The following TNRC6A variants were observed in gnomAD, a reference collection of about 807,000 sequenced individuals.
The protein encoded by TNRC6A is trinucleotide repeat containing adaptor 6A, also known as trinucleotide repeat-containing gene 6A protein.
Under a neutral mutation model 221.2 loss-of-function variants are expected in TNRC6A, and 44 were observed. The observed-to-expected ratio is 0.20, with a 90% CI of 0.16 to 0.26. The LOEUF (loss-of-function observed/expected upper bound fraction) is 0.26. Among genes scored for constraint, TNRC6A ranks in the 10% least tolerant of loss-of-function variants. The pLI, the probability that TNRC6A is intolerant of heterozygous loss-of-function variation, is 1.00. For missense variants in TNRC6A, 2,199 were observed against 2,404.4 expected, an observed-to-expected ratio of 0.91 and a Z score of 1.79; for synonymous variants, 847 against 838.5, an observed-to-expected ratio of 1.01 and a Z score of -0.18.
intron 1 of TNRC6A, among the ~76,000 whole-genome samples, chr16:24,611,006 T>A (rs933200789): frequency 3.3e-5 from 5 of 151,658 alleles, no homozygotes; most frequent in African/African-American, 1.2e-4. Context: ...AGAGATGGGG[T>A]TTCACCATGT....
At chr16:24,633,742 T>C in intron 1 of TNRC6A, among the ~76,000 whole-genome samples, 1 of 151,632 alleles carries the variant, frequency 6.6e-6, no homozygotes, top group East Asian at 1.9e-4. Flanking sequence ...CACACATTCC[T>C]CCCAATAGAA....
intron 2 of TNRC6A, among the ~76,000 whole-genome samples, chr16:24,646,048 T>C (rs187350817): frequency 6.1e-4 from 93 of 152,068 alleles, no homozygotes; most frequent in African/African-American, 2.0e-3. Context: ...TATTGATTCA[T>C]GTTAAAAATA....
At chr16:24,621,403 G>A (rs1478452218) in intron 1 of TNRC6A, among the ~76,000 whole-genome samples, 1 of 144,518 alleles carries the variant, frequency 6.9e-6, no homozygotes, top group Non-Finnish European at 1.5e-5. Flanking sequence ...CTGTCGCCCA[G>A]GCTGGAGGGC....
At chr16:24,666,024 T>C (rs1342059299) in intron 2 of TNRC6A, among the ~76,000 whole-genome samples, 1 of 151,986 alleles carries the variant, frequency 6.6e-6, no homozygotes, top group Non-Finnish European at 1.5e-5. Flanking sequence ...TTGTGAGAAA[T>C]GATGTTCAAG....
intron 2 of TNRC6A, among the ~76,000 whole-genome samples, chr16:24,741,786 C>G (rs992958656): frequency 6.6e-6 from 1 of 151,474 alleles, no homozygotes. Context: ...TAGTGCAGTG[C>G]TTTGTGCCTA....
chr16:24,706,692 A>G (rs1214608818), intron 2 of TNRC6A, among the ~76,000 whole-genome samples: 1 of 50,434 alleles, frequency 2.0e-5, no homozygotes. Flanking sequence ...ACTCTGTCTC[A>G]AAAAAAAAAA....
chr16:24,786,240 C>T (rs2057962827), intron 5 of TNRC6A, among the ~76,000 whole-genome samples: 1 of 151,884 alleles, frequency 6.6e-6, no homozygotes, highest in Non-Finnish European at 1.5e-5. Context: ...TAATAATGGC[C>T]CTCATTTATT....
rs903092475 is a variant in TNRC6A at position 24,647,130 on chromosome 16, C to T, written n.402+6121C>T. Among the ~76,000 whole-genome samples the T allele has an allele frequency of 2.6e-5, 4 of 152,080 alleles. No homozygotes were observed. In the East Asian group the frequency reaches 7.7e-4, roughly 29 times the overall value. The stretch of plus-strand genomic sequence containing the variant: ...TATTTTTCGTAGAGACAGGGGTTCA[C>T]CATGTTGCCCAGGATGATCTCACAC... On this transcript the variant is annotated intron_variant and non_coding_transcript_variant, in intron 2 of 2. Coordinates refer to the TNRC6A transcript ENST00000566108.
chr16:24,662,546 A>G (rs996444807), intron 2 of TNRC6A: 3 of 152,218 alleles, frequency 2.0e-5, no homozygotes, highest in Non-Finnish European at 2.9e-5. Flanking sequence ...ATTACTCTGC[A>G]AGAATCATTA....
intron 2 of TNRC6A, among the ~76,000 whole-genome samples, chr16:24,704,868 A>C (rs1567372652): frequency 6.6e-6 from 1 of 151,688 alleles, no homozygotes; most frequent in Non-Finnish European, 1.5e-5. Context: ...ACACTAGGGC[A>C]CGATGGTTCA....
At chr16:24,683,787 T>C (rs1295539636) in intron 2 of TNRC6A, among the ~76,000 whole-genome samples, 1 of 152,102 alleles carries the variant, frequency 6.6e-6, no homozygotes. Flanking sequence ...TGAGGTAAAA[T>C]AAGGAGAGTG....
intron 2 of TNRC6A, among the ~76,000 whole-genome samples, chr16:24,744,283 T>TG (rs1007645452): frequency 2.0e-5 from 3 of 152,230 alleles, no homozygotes; most frequent in African/African-American, 7.2e-5. Context: ...AGGTGGTCTC[T>TG]GTCGGGTTTC....
intron 2 of TNRC6A, among the ~76,000 whole-genome samples, chr16:24,658,969 C>A (rs117296052): frequency 4.6e-5 from 7 of 151,250 alleles, no homozygotes; most frequent in African/African-American, 1.7e-4. Flanking sequence ...CTACCACACC[C>A]GGCTAATTTT....
At chr16:24,627,052 C>T (rs1901056454) in intron 1 of TNRC6A, among the ~76,000 whole-genome samples, 1 of 151,032 alleles carries the variant, frequency 6.6e-6, no homozygotes, top group South Asian at 2.1e-4. Flanking sequence ...CCATAAAGTT[C>T]AGGAGTAAAT....
intron 2 of TNRC6A, among the ~76,000 whole-genome samples, chr16:24,735,345 A>T (rs72768669): frequency 0.051 from 7,693 of 152,290 alleles, 298 homozygotes; most frequent in South Asian, 0.078. Flanking sequence ...CTCCGTAGCT[A>T]AGGTGGATCC....
intron 1 of TNRC6A, among the ~76,000 whole-genome samples, chr16:24,617,796 A>G (rs943499261): frequency 6.6e-6 from 1 of 152,224 alleles, no homozygotes; most frequent in African/African-American, 2.4e-5. Context: ...AACAGTTCAT[A>G]TCCACGGATG....
chr16:24,631,874 T>A (rs1183475035), intron 1 of TNRC6A, among the ~76,000 whole-genome samples: 1 of 151,918 alleles, frequency 6.6e-6, no homozygotes, highest in African/African-American at 2.4e-5. Flanking sequence ...GAGTTTTTTT[T>A]TTGGAACAGG....
chr16:24,687,843 G>GGAAGAGGAAGAGGAAGAAGAAGAAGAA lies in TNRC6A; in HGVS notation n.402+46839_402+46840insGGAAGAGGAAGAAGAAGAAGAAGAAGA, dbSNP rs1555489486. On this transcript the variant is annotated intron_variant and non_coding_transcript_variant, in intron 2 of 2. Coordinates refer to the TNRC6A transcript ENST00000566108. ...AAGAGGAAGAAGAGGAAGAGGAAGAGGAAGAAGAAGAAGAAGAAGAAGAAG... is the reference window on the plus strand; with the variant it reads ...AAGAGGAAGAAGAGGAAGAGGAAGAGGAAGAGGAAGAGGAAGAAGAAGAAGAAGAAGAAGAAGAAGAAGAAGAAGAAG... Among the ~76,000 whole-genome samples the GGAAGAGGAAGAGGAAGAAGAAGAAGAA allele has an allele frequency of 2.9e-3, 291 of 101,912 alleles. 8 individuals are homozygous for GGAAGAGGAAGAGGAAGAAGAAGAAGAA. In the East Asian group the frequency reaches 0.037, roughly 13 times the overall value. 66.9% of individuals were successfully genotyped at this position (101,912 alleles called of 152,430 possible). A position where few individuals can be genotyped will look rare whatever the true frequency, so the allele number is the denominator to read the frequency against.
At chr16:24,731,296 A>G (rs928076336) in intron 2 of TNRC6A, among the ~76,000 whole-genome samples, 4 of 151,998 alleles carry the variant, frequency 2.6e-5, no homozygotes, top group Non-Finnish European at 5.9e-5. Context: ...TTAGGTTTAC[A>G]TTGGGGTTTT....
Sources: gnomAD v4.1 joint callset for allele counts (sites outside exome capture counted in the v4.1 genomes callset) on GRCh38, gnomAD v4.1.1 for gene constraint, MANE v1.5 for transcripts, NCBI Gene and HGNC (gene_info 2026-07-23, HGNC 2026-07-21) for gene names.